The following TNRC6C variants were observed in gnomAD, a reference collection of about 807,000 sequenced individuals.
The protein encoded by TNRC6C is trinucleotide repeat containing adaptor 6C.
A neutral mutation model predicts 153.7 loss-of-function variants in TNRC6C; 20 were observed. The ratio of observed to expected loss-of-function variants is 0.13; its 90% CI spans 0.09 to 0.19. The LOEUF (loss-of-function observed/expected upper bound fraction) is 0.19, where lower values mean the gene tolerates loss of function less well. Ranked by LOEUF, TNRC6C falls within the 10% of genes least tolerant of loss-of-function variation. TNRC6C has a pLI of 1.00. For synonymous variants in TNRC6C, 811 were observed against 841.4 expected (o/e 0.96, Z 0.63); for missense variants, 1,987 against 2,172.0 (o/e 0.91, Z 1.69).
At chr17:78,067,887 C>T in exon 5 of TNRC6C, 1 of 1,613,164 alleles carries the variant, frequency 6.2e-7, no homozygotes, top group Non-Finnish European at 8.5e-7. Context: ...CCTCCTGCAG[C>T]TCCTGGGGGA....
chr17:78,041,011 A>G (rs948995899), intron 2 of TNRC6C: 1 of 152,090 alleles, frequency 6.6e-6, no homozygotes, highest in Non-Finnish European at 1.5e-5. Flanking sequence ...CGCTGTACCC[A>G]GCCGACATGT....
At chr17:78,077,047 C>G in intron 8 of TNRC6C, 138 bp from the exon 11 acceptor site, 1 of 923,918 alleles carries the variant, frequency 1.1e-6, no homozygotes, top group East Asian at 2.7e-5. Context: ...TGCACATGTT[C>G]TCCATTCCCT....
intron 3 of TNRC6C, among the ~76,000 whole-genome samples, chr17:78,059,728 A>G (rs1029720134): frequency 1.3e-5 from 2 of 151,830 alleles, no homozygotes; most frequent in African/African-American, 2.4e-5. Context: ...ACACGCCTCT[A>G]GTCCCGGCTA....
chr17:77,981,051 C>T (rs990317928), intron 1 of TNRC6C, among the ~76,000 whole-genome samples: 3 of 152,146 alleles, frequency 2.0e-5, no homozygotes, highest in African/African-American at 7.2e-5. Flanking sequence ...TTACGGCTCA[C>T]TGCAGCCTCA....
intron 13 of TNRC6C, among the ~76,000 whole-genome samples, chr17:78,090,056 A>C (rs2073366219): frequency 6.6e-6 from 1 of 152,202 alleles, no homozygotes; most frequent in Non-Finnish European, 1.5e-5. Context: ...AAAAGAACCC[A>C]CACAGCAGAG....
intron 3 of TNRC6C, among the ~76,000 whole-genome samples, chr17:78,057,238 C>T (rs1185734459): frequency 6.6e-6 from 1 of 152,170 alleles, no homozygotes; most frequent in Non-Finnish European, 1.5e-5. Flanking sequence ...AAAGTGGCTA[C>T]ACTGAGTATT....
chr17:78,071,302 C>T (rs1168106371), intron 6 of TNRC6C, 137 bp downstream of exon 8: 6 of 854,816 alleles, frequency 7.0e-6, no homozygotes, highest in Non-Finnish European at 1.1e-5. Context: ...CATCATCTAA[C>T]TCTTAAATCT....
chr17:78,053,217 C>T (rs1482444247), intron 3 of TNRC6C, among the ~76,000 whole-genome samples: 1 of 152,190 alleles, frequency 6.6e-6, no homozygotes, highest in Non-Finnish European at 1.5e-5. Flanking sequence ...CCTTGGAGTA[C>T]TTGAATTTGT....
chr17:77,968,829 C>A (rs2070918885), intron 1 of TNRC6C, among the ~76,000 whole-genome samples: 1 of 152,184 alleles, frequency 6.6e-6, no homozygotes, highest in African/African-American at 2.4e-5. Context: ...CACAAAAGTT[C>A]TCATTAGTTT....
upstream of TNRC6C, among the ~76,000 whole-genome samples, chr17:78,002,436 A>G (rs1034850545): frequency 6.6e-6 from 1 of 152,260 alleles, no homozygotes; most frequent in Admixed American, 6.5e-5. Flanking sequence ...GCAGGAGGCC[A>G]GCGCCCAGGC....
At chr17:78,078,651 G>A (rs2073124946) in intron 9 of TNRC6C, among the ~76,000 whole-genome samples, 1 of 152,098 alleles carries the variant, frequency 6.6e-6, no homozygotes, top group Non-Finnish European at 1.5e-5. Context: ...CCTTCTTGTT[G>A]TATAAACGAC....
chr17:78,037,800 A>T (rs1440126879), intron 2 of TNRC6C, among the ~76,000 whole-genome samples: 1 of 152,184 alleles, frequency 6.6e-6, no homozygotes, highest in Non-Finnish European at 1.5e-5. Flanking sequence ...TTGCTTTTGG[A>T]ACTTGATAGA....
intron 1 of TNRC6C, among the ~76,000 whole-genome samples, chr17:77,977,576 G>T (rs1299071382): frequency 2.0e-5 from 3 of 152,162 alleles, no homozygotes; most frequent in African/African-American, 7.2e-5. Context: ...CTTTTAAGTA[G>T]TCCCAGATCC....
intron 1 of TNRC6C, among the ~76,000 whole-genome samples, chr17:77,972,034 C>T (rs1598638969): frequency 1.3e-5 from 2 of 151,674 alleles, no homozygotes; most frequent in Non-Finnish European, 2.9e-5. Flanking sequence ...CAAACTAAAC[C>T]GATGGCAAAC....
chr17:78,095,903 T>C (rs1197703358), intron 16 of TNRC6C, among the ~76,000 whole-genome samples: 3 of 152,018 alleles, frequency 2.0e-5, no homozygotes, highest in East Asian at 3.9e-4. Flanking sequence ...ATGAAAAAAT[T>C]AGCTGCGTGT....
upstream of TNRC6C, among the ~76,000 whole-genome samples, chr17:77,957,613 A>T (rs959506653): frequency 6.6e-6 from 1 of 152,236 alleles, no homozygotes; most frequent in African/African-American, 2.4e-5. Context: ...CTCTTCCAAT[A>T]CCAACTTCCA....
chr17:78,093,681 C>T lies in TNRC6C; in HGVS notation c.4224C>T (p.Asp1408=), dbSNP rs778067516. The T allele has an allele frequency of 1.3e-5, 21 of 1,613,870 alleles. No individual in the cohort carries two copies. The Admixed American group carries it at 1.8e-4, about 14-fold the overall frequency. The change falls in exon 16 of 20, where the codon GAC becomes GAT. Residue 1408 remains aspartate (D), a synonymous_variant. Coordinates refer to ENST00000301624, the Ensembl canonical transcript of TNRC6C. ...ATATTGACCCTGAGAATGACCCTGA[C>T]GTCACTCCTGGCAGTGTCCCCACTG...
exon 16 of TNRC6C, chr17:78,093,717 C>T: frequency 6.2e-7 from 1 of 1,613,960 alleles, no homozygotes; most frequent in Non-Finnish European, 8.5e-7. Context: ...GGCCTACCAT[C>T]AACACCACCA....
intron 1 of TNRC6C, among the ~76,000 whole-genome samples, chr17:78,030,021 T>A (rs1463953815): frequency 5.9e-5 from 9 of 152,304 alleles, no homozygotes; most frequent in East Asian, 1.9e-4. Context: ...GGCTTTTTTT[T>A]ATGTAGAAGC....
Sources: gnomAD v4.1 joint callset for allele counts (sites outside exome capture counted in the v4.1 genomes callset) on GRCh38, gnomAD v4.1.1 for gene constraint, MANE v1.5 for transcripts, NCBI Gene and HGNC (gene_info 2026-07-23, HGNC 2026-07-21) for gene names.